Variants in SH3D19 observed in about 807,000 individuals in gnomAD.
SH3D19 encodes the protein SH3 domain containing 19.
Under a neutral mutation model 112.1 loss-of-function variants are expected in SH3D19, and 58 were observed. That is an observed-to-expected ratio of 0.52 (90% CI 0.42 to 0.64). The LOEUF (loss-of-function observed/expected upper bound fraction) is 0.64, where lower values mean the gene tolerates loss of function less well. Ranked by LOEUF, SH3D19 falls within the 30% of genes least tolerant of loss-of-function variation. The pLI is 0.00. For missense variants in SH3D19, 1,090 were observed against 1,263.4 expected (o/e 0.86, Z 2.08); for synonymous variants, 391 against 448.5 (o/e 0.87, Z 1.62).
At chr4:151,248,237 T>C (rs1771092943) in intron 1 of SH3D19, among the ~76,000 whole-genome samples, 1 of 152,238 alleles carries the variant, frequency 6.6e-6, no homozygotes, top group South Asian at 2.1e-4. Flanking sequence ...AAGCTGGGAT[T>C]ACAGGTGTAA....
intron 1 of SH3D19, chr4:151,226,418 T>C (rs542748653): frequency 1.7e-5 from 17 of 1,016,560 alleles, no homozygotes; most frequent in African/African-American, 5.1e-5. Flanking sequence ...GCAAGGAAAC[T>C]GCAAAGCCAC....
intron 1 of SH3D19, among the ~76,000 whole-genome samples, chr4:151,281,946 C>T (rs1454350839): frequency 6.6e-6 from 1 of 151,808 alleles, no homozygotes; most frequent in Non-Finnish European, 1.5e-5. Context: ...TAGGAAGAGA[C>T]CACAGAAAGA....
At chr4:151,129,285 G>A (rs1419015465) in intron 17 of SH3D19, among the ~76,000 whole-genome samples, 1 of 152,206 alleles carries the variant, frequency 6.6e-6, no homozygotes, top group African/African-American at 2.4e-5. Context: ...TTAGAGAAAG[G>A]TTTTGCTCTG....
rs1561186513 is a variant in SH3D19, at chr4:151,126,315, T to C, written c.3027+1303A>G. Among the ~76,000 whole-genome samples the C allele has an allele frequency of 2.0e-5, 3 of 152,186 alleles. No homozygotes were observed. The East Asian group carries it at 5.8e-4, about 29-fold the overall frequency. On this transcript the variant is annotated intron_variant, in intron 19 of 19. Transcript: ENST00000604030. ...CTTGTCCAATCATTCCTTGATATGT[T>C]AATTCTTTCTATGGCATCCTTTCCT...
At chr4:151,256,831 C>T (rs1315068067) in intron 1 of SH3D19, among the ~76,000 whole-genome samples, 2 of 151,974 alleles carry the variant, frequency 1.3e-5, no homozygotes, top group South Asian at 2.1e-4. Flanking sequence ...ACCTCTACCT[C>T]CTGGGTTCAA....
chr4:151,250,629 AT>A (rs1236661084), intron 1 of SH3D19, among the ~76,000 whole-genome samples: 4 of 152,152 alleles, frequency 2.6e-5, no homozygotes, highest in Non-Finnish European at 5.9e-5. Flanking sequence ...TGGTGTTGAA[AT>A]TTTTTTAGTA....
intron 3 of SH3D19, among the ~76,000 whole-genome samples, chr4:151,185,896 C>T (rs1158332001): frequency 6.6e-6 from 1 of 152,058 alleles, no homozygotes; most frequent in South Asian, 2.1e-4. Context: ...AAAAATTAGC[C>T]GGGCATGGTG....
chr4:151,208,196 C>G (rs1192867072), intron 2 of SH3D19, among the ~76,000 whole-genome samples: 2 of 152,134 alleles, frequency 1.3e-5, no homozygotes, highest in Non-Finnish European at 2.9e-5. Context: ...GTTAAAAAGC[C>G]TTAAGAGCAG....
At chr4:151,316,395 G>C (rs1281046792) in intron 1 of SH3D19, among the ~76,000 whole-genome samples, 2 of 151,994 alleles carry the variant, frequency 1.3e-5, no homozygotes, top group African/African-American at 4.8e-5. Flanking sequence ...AGGACACTAA[G>C]CAAAAACTAA....
At chr4:151,265,169 T>C (rs914603554) in intron 1 of SH3D19, among the ~76,000 whole-genome samples, 9 of 152,160 alleles carry the variant, frequency 5.9e-5, no homozygotes, top group African/African-American at 2.2e-4. Context: ...TATCAAATTA[T>C]AAGCAGGATA....
At chr4:151,283,353 T>C in intron 1 of SH3D19, 2 of 1,476,530 alleles carry the variant, frequency 1.4e-6, no homozygotes, top group Admixed American at 3.5e-5. Context: ...GGTTTTCCTA[T>C]CTGTAAATAA....
At chr4:151,167,079 A>G (rs1205157136) in intron 7 of SH3D19, among the ~76,000 whole-genome samples, 1 of 151,604 alleles carries the variant, frequency 6.6e-6, no homozygotes, top group Non-Finnish European at 1.5e-5. Context: ...AAAAAAATAG[A>G]TGACTCCTCT....
At chr4:151,256,949 C>T (rs1459438905) in intron 1 of SH3D19, among the ~76,000 whole-genome samples, 1 of 151,732 alleles carries the variant, frequency 6.6e-6, no homozygotes, top group Non-Finnish European at 1.5e-5. Context: ...GCCATTTTGG[C>T]TAGGTTGGTC....
At chr4:151,152,750 C>T (rs1436293866) in intron 9 of SH3D19, among the ~76,000 whole-genome samples, 4 of 151,660 alleles carry the variant, frequency 2.6e-5, no homozygotes, top group African/African-American at 9.7e-5. Flanking sequence ...AACTCCTGAC[C>T]TCAACTGATC....
intron 1 of SH3D19, among the ~76,000 whole-genome samples, chr4:151,264,318 C>T (rs1772602133): frequency 6.6e-6 from 1 of 151,382 alleles, no homozygotes; most frequent in Non-Finnish European, 1.5e-5. Context: ...GTAATCCCAG[C>T]CACCCGGGAG....
In SH3D19 at chr4:151,225,396, C is replaced by T. The variant is rs187547484; in HGVS notation, c.152+651G>A. ...GACAATTTTTCACCTATAAGTTTGA[C>T]AAGGATTTTTTAATGTACTCTTCAG... On this transcript the variant is annotated intron_variant, in intron 2 of 19. Transcript: ENST00000604030. Among the ~76,000 whole-genome samples, 413 of 152,298 alleles carry T rather than the reference C, an allele frequency of 2.7e-3. 4 individuals are homozygous for T. The highest frequency in any genetic ancestry group is 9.7e-3 in the African/African-American group (403 of 41,554).
chr4:151,322,975 A>G (rs1379135690), intron 1 of SH3D19, among the ~76,000 whole-genome samples: 1 of 75,886 alleles, frequency 1.3e-5, no homozygotes, highest in Non-Finnish European at 3.4e-5. Context: ...AAATGGTTAC[A>G]TCTAGGGGAG....
intron 13 of SH3D19, among the ~76,000 whole-genome samples, chr4:151,138,843 G>T (rs1752419537): frequency 6.6e-6 from 1 of 152,048 alleles, no homozygotes; most frequent in Admixed American, 6.6e-5. Context: ...TGTTGTTGTT[G>T]TTTTTTGAGA....
At chr4:151,229,934 A>G (rs1395760202) in intron 1 of SH3D19, among the ~76,000 whole-genome samples, 1 of 152,098 alleles carries the variant, frequency 6.6e-6, no homozygotes, top group Non-Finnish European at 1.5e-5. Flanking sequence ...AACAAAAACA[A>G]AAAACAAGGC....
Sources: allele counts gnomAD v4.1 joint callset (sites outside exome capture counted in the v4.1 genomes callset), GRCh38; gene constraint gnomAD v4.1.1; transcripts MANE v1.5; gene names NCBI Gene and HGNC (gene_info 2026-07-23, HGNC 2026-07-21).